CEP112: variants seen among roughly 807,000 people sequenced by gnomAD.
CEP112 encodes centrosomal protein 112, also known as centrosomal protein of 112 kDa.
Under a neutral mutation model 153.0 loss-of-function variants are expected in CEP112, and 127 were observed. The observed-to-expected ratio is 0.83, with a 90% CI of 0.72 to 0.96. CEP112 has a LOEUF of 0.96. Among genes scored for constraint, CEP112 ranks in the 40% least tolerant of loss-of-function variants. The probability of loss-of-function intolerance (pLI) is 0.00; values close to 1 mark genes in which losing one functional copy is unlikely to be tolerated. For missense variants in CEP112, 1,089 were observed against 1,101.2 expected, an observed-to-expected ratio of 0.99 and a Z score of 0.16; for synonymous variants, 358 against 374.4, an observed-to-expected ratio of 0.96 and a Z score of 0.51.
chr17:65,732,291 C>CT (rs35659075), intron 23 of CEP112, among the ~76,000 whole-genome samples: 3 of 152,182 alleles, frequency 2.0e-5, no homozygotes, highest in East Asian at 3.9e-4. Context: ...TTAAAGGAAT[C>CT]TTTTTTTTCT....
intron 24 of CEP112, among the ~76,000 whole-genome samples, chr17:65,648,480 T>C (rs1327024802): frequency 6.6e-6 from 1 of 152,222 alleles, no homozygotes; most frequent in Non-Finnish European, 1.5e-5. Flanking sequence ...TATGATTCCC[T>C]TAACTTTTAA....
chr17:65,874,724 T>C (rs913551915), intron 20 of CEP112, among the ~76,000 whole-genome samples: 2 of 152,134 alleles, frequency 1.3e-5, no homozygotes, highest in African/African-American at 4.8e-5. Context: ...TGGTTTTCCA[T>C]GCAGTTTCTA....
intron 12 of CEP112, among the ~76,000 whole-genome samples, chr17:66,036,690 A>C (rs1225705740): frequency 1.3e-5 from 2 of 152,242 alleles, no homozygotes; most frequent in East Asian, 1.9e-4. Context: ...TAAACTGGTA[A>C]GCAGCAAAAA....
intron 21 of CEP112, among the ~76,000 whole-genome samples, chr17:65,815,667 A>C (rs1257595810): frequency 6.6e-6 from 1 of 152,020 alleles, no homozygotes; most frequent in Non-Finnish European, 1.5e-5. Context: ...TTACATCTTT[A>C]CTTTATGCCA....
chr17:65,746,165 C>CAAAAAAAAAAA (rs56361589), intron 22 of CEP112, among the ~76,000 whole-genome samples: 63 of 49,320 alleles, frequency 1.3e-3, no homozygotes, highest in Non-Finnish European at 2.0e-3. Flanking sequence ...AACTCCATCT[C>CAAAAAAAAAAA]AAAAAAAAAA....
At chr17:65,932,557 A>G (rs1300412347) in intron 18 of CEP112, among the ~76,000 whole-genome samples, 2 of 152,198 alleles carry the variant, frequency 1.3e-5, no homozygotes, top group African/African-American at 4.8e-5. Flanking sequence ...TAATTGGCTC[A>G]CAGTTCAACA....
intron 24 of CEP112, among the ~76,000 whole-genome samples, chr17:65,651,831 G>A (rs542184220): frequency 6.6e-6 from 1 of 152,242 alleles, no homozygotes; most frequent in South Asian, 2.1e-4. Context: ...CTCCTGAGTA[G>A]CTGGGATTAA....
chr17:65,732,609 T>G (rs1188141838), intron 23 of CEP112, among the ~76,000 whole-genome samples: 1 of 152,232 alleles, frequency 6.6e-6, no homozygotes, highest in African/African-American at 2.4e-5. Context: ...TCATTTAGTG[T>G]AGTCACCTTC....
rs570098418 is a variant in CEP112, at chr17:66,187,286, CCCT to C, written c.-8-3982_-8-3980del. ...CTATCACTTCCTGTTTAAAAATCTC[CCCT>C]CATTCTAGCATTCCATTCGCCAAAT... On this transcript the variant is annotated intron_variant, in intron 1 of 26. Transcript: ENST00000535342. Among the ~76,000 whole-genome samples, 508 of 152,240 alleles carry C rather than the reference CCCT, an allele frequency of 3.3e-3. 3 individuals carry two copies. The highest frequency in any genetic ancestry group is 5.3e-3 in the Non-Finnish European group (360 of 68,024).
intron 16 of CEP112, among the ~76,000 whole-genome samples, chr17:66,023,057 G>T (rs1226674322): frequency 6.6e-6 from 1 of 152,038 alleles, no homozygotes; most frequent in Non-Finnish European, 1.5e-5. Flanking sequence ...CCTTTGAGAA[G>T]TATGGGACTA....
intron 12 of CEP112, among the ~76,000 whole-genome samples, chr17:66,036,320 A>G (rs747667629): frequency 6.6e-6 from 1 of 152,194 alleles, no homozygotes; most frequent in Non-Finnish European, 1.5e-5. Context: ...CTAACACTGC[A>G]TTGTACCTTA....
chr17:65,692,518 C>T (rs150466952), intron 23 of CEP112, among the ~76,000 whole-genome samples: 2 of 152,216 alleles, frequency 1.3e-5, no homozygotes, highest in Non-Finnish European at 2.9e-5. Flanking sequence ...TGAGTCACCA[C>T]GCCTGGCCTG....
intron 21 of CEP112, among the ~76,000 whole-genome samples, chr17:65,792,011 G>T (rs2054615857): frequency 6.6e-6 from 1 of 152,088 alleles, no homozygotes; most frequent in African/African-American, 2.4e-5. Context: ...GTCATTTTGG[G>T]ATTTGATCCT....
At chr17:65,738,194 T>C (rs1016990488) in intron 23 of CEP112, among the ~76,000 whole-genome samples, 6 of 152,188 alleles carry the variant, frequency 3.9e-5, no homozygotes, top group African/African-American at 1.2e-4. Flanking sequence ...AAAGGCCTAG[T>C]ATAAACACTG....
At chr17:65,966,767 C>A (rs1387908261) in intron 17 of CEP112, among the ~76,000 whole-genome samples, 1 of 152,230 alleles carries the variant, frequency 6.6e-6, no homozygotes, top group African/African-American at 2.4e-5. Context: ...AACTAGTAGT[C>A]TCTGCTAAAT....
At chr17:65,769,264 T>C (rs1011382985) in intron 21 of CEP112, among the ~76,000 whole-genome samples, 3 of 151,896 alleles carry the variant, frequency 2.0e-5, no homozygotes, top group Non-Finnish European at 4.4e-5. Flanking sequence ...ATAAAAGAAA[T>C]TGAAGAGGAC....
At position 66,176,866 on chromosome 17, in the gene CEP112, A is replaced by T. The variant is rs753762814; in HGVS notation, c.261T>A (p.Pro87=). 1.9e-6 allele frequency: 3 copies of T among 1,613,176 alleles called. No individual in the cohort carries two copies. Among genetic ancestry groups the T allele is most frequent in the South Asian group, 2.2e-5 (2 of 90,856 alleles). The change falls in exon 3 of 27, where the codon CCT becomes CCA. Residue 87 remains proline (P), a synonymous_variant. Coordinates refer to ENST00000535342, the MANE Select transcript of CEP112 (RefSeq NM_001199165.4). The part of the protein sequence containing the change: ...GALEGPFTHR[P]EPGTLKILPS... ...GTAGAATTTTTAGTGTCCCGGGTTC[A>T]GGTCGGTGTGTAAAAGGGCCTTCAA...
rs113311727 is a variant in CEP112, at chr17:66,063,437, G to T, written c.956-356C>A. The stretch of plus-strand genomic sequence containing the variant: ...CATATGTTTTTACTTATAAGTGGAA[G>T]CTGAGCTATGGGTATGCAAAGGAAC... On this transcript the variant is annotated intron_variant, in intron 10 of 26. Coordinates refer to ENST00000535342, the MANE Select transcript of CEP112 (RefSeq NM_001199165.4). 4.1e-3 allele frequency among the ~76,000 whole-genome samples: 630 copies of T among 152,204 alleles called. 6 individuals carry two copies. Among genetic ancestry groups the T allele is most frequent in the African/African-American group, 0.015 (605 of 41,538 alleles).
chr17:66,028,995 T>G, intron 14 of CEP112, 128 bp downstream of exon 14: 4 of 732,938 alleles, frequency 5.5e-6, no homozygotes, highest in Non-Finnish European at 6.4e-6. Flanking sequence ...CTGAAGTTCC[T>G]GTTAATTTAA....
Sources: gnomAD v4.1 joint callset for allele counts (sites outside exome capture counted in the v4.1 genomes callset) on GRCh38, gnomAD v4.1.1 for gene constraint, MANE v1.5 for transcripts, NCBI Gene and HGNC (gene_info 2026-07-23, HGNC 2026-07-21) for gene names.